The following FGF12 variants were observed in gnomAD, a reference collection of about 807,000 sequenced individuals.
FGF12 encodes fibroblast growth factor 12.
In FGF12, 14 loss-of-function variants were observed where a neutral mutation model predicts 23.6. The ratio of observed to expected loss-of-function variants is 0.59; its 90% CI spans 0.39 to 0.93. The LOEUF (loss-of-function observed/expected upper bound fraction) is 0.93. Ranked by LOEUF, FGF12 falls within the 40% of genes least tolerant of loss-of-function variation. FGF12 has a pLI of 0.00. For missense variants in FGF12, 175 were observed against 217.8 expected (o/e 0.80, Z 1.24); for synonymous variants, 62 against 77.3 (o/e 0.80, Z 1.04).
Position 192,409,345 on chromosome 3 carries a change from C to G in FGF12, c.14-48807G>C, listed in dbSNP as rs1469890513. ...ACACGCCTTTAACTGGAGCTCCCCGCCATGGTCCACCCGGGGCCGCCGCAC... is the reference window on the plus strand; with the variant it reads ...ACACGCCTTTAACTGGAGCTCCCCGGCATGGTCCACCCGGGGCCGCCGCAC... On this transcript the variant is annotated intron_variant, in intron 2 of 5. Transcript: ENST00000445105. The surrounding 1 kb of genome is among the most constrained non-coding windows in gnomAD (Gnocchi z 4.8). 1.3e-5 allele frequency among the ~76,000 whole-genome samples: 2 copies of G among 152,206 alleles called. No individual in the cohort carries two copies. The highest frequency in any genetic ancestry group is 2.9e-5 in the Non-Finnish European group (2 of 68,032).
chr3:192,435,441 C>G (rs993900126), intron 2 of FGF12, among the ~76,000 whole-genome samples: 2 of 152,194 alleles, frequency 1.3e-5, no homozygotes, highest in African/African-American at 4.8e-5. Context: ...ACTCCCAGGA[C>G]TGCTCACTGT....
intron 4 of FGF12, among the ~76,000 whole-genome samples, chr3:192,201,037 C>T (rs1717342090): frequency 6.6e-6 from 1 of 152,156 alleles, no homozygotes; most frequent in East Asian, 1.9e-4. Context: ...CTTCAGATGT[C>T]TCCAGATAAT....
At chr3:192,702,946 G>C (rs1718348727) in intron 2 of FGF12, among the ~76,000 whole-genome samples, 1 of 152,068 alleles carries the variant, frequency 6.6e-6, no homozygotes, top group Non-Finnish European at 1.5e-5. Flanking sequence ...CATTGCTCAG[G>C]CTTTGAGAGT....
At chr3:192,668,647 G>A (rs748577398) in intron 2 of FGF12, among the ~76,000 whole-genome samples, 1 of 152,196 alleles carries the variant, frequency 6.6e-6, no homozygotes, top group African/African-American at 2.4e-5. Context: ...CTCATCCTGA[G>A]ATGCTATCAT....
chr3:192,496,383 A>T (rs1040466474), intron 2 of FGF12, among the ~76,000 whole-genome samples: 3 of 152,076 alleles, frequency 2.0e-5, no homozygotes, highest in African/African-American at 7.2e-5. Context: ...TGTGACTCTG[A>T]TATACTGGTC....
chr3:192,165,178 C>T (rs1429536055), intron 5 of FGF12, among the ~76,000 whole-genome samples: 1 of 152,042 alleles, frequency 6.6e-6, no homozygotes, highest in Admixed American at 6.6e-5. Context: ...TGGTCTTGAA[C>T]TCCTGGCCTC....
At chr3:192,273,475 G>C (rs5027291) in intron 4 of FGF12, among the ~76,000 whole-genome samples, 2 of 152,190 alleles carry the variant, frequency 1.3e-5, no homozygotes, top group Non-Finnish European at 2.9e-5. Flanking sequence ...CTGCATGCTA[G>C]GCAATATTTA....
intron 2 of FGF12, among the ~76,000 whole-genome samples, chr3:192,662,630 C>T (rs1716714940): frequency 6.6e-6 from 1 of 152,124 alleles, no homozygotes; most frequent in Non-Finnish European, 1.5e-5. Context: ...TTTACAGATT[C>T]AGTGCCTCAA....
At chr3:192,378,070 CT>C (rs746816771) in intron 2 of FGF12, among the ~76,000 whole-genome samples, 15 of 119,242 alleles carry the variant, frequency 1.3e-4, no homozygotes, top group East Asian at 1.2e-3. Context: ...TTCTTTCTTT[CT>C]TTCTTTCTTT....
intron 2 of FGF12, among the ~76,000 whole-genome samples, chr3:192,470,609 G>A (rs143040943): frequency 0.012 from 1,752 of 151,920 alleles, 21 homozygotes; most frequent in Non-Finnish European, 0.018. Flanking sequence ...GGCTGGTCTC[G>A]AACTCCTGAC....
intron 4 of FGF12, among the ~76,000 whole-genome samples, chr3:192,178,451 AAG>A (rs1347432503): frequency 6.6e-6 from 1 of 152,140 alleles, no homozygotes; most frequent in Non-Finnish European, 1.5e-5. Flanking sequence ...CCAGATAAAA[AAG>A]GGCCTCTGAT....
chr3:192,240,855 T>C (rs1719582108), intron 4 of FGF12, among the ~76,000 whole-genome samples: 1 of 152,200 alleles, frequency 6.6e-6, no homozygotes, highest in South Asian at 2.1e-4. Context: ...TATTTTTTCT[T>C]AAGTTGTATC....
intron 2 of FGF12, among the ~76,000 whole-genome samples, chr3:192,577,081 G>C (rs995443577): frequency 2.6e-5 from 4 of 152,158 alleles, no homozygotes; most frequent in Admixed American, 2.6e-4. Flanking sequence ...GGGAGGGATA[G>C]CATTAGGAGA....
At chr3:192,549,092 C>T (rs537954759) in intron 2 of FGF12, among the ~76,000 whole-genome samples, 1 of 152,258 alleles carries the variant, frequency 6.6e-6, no homozygotes, top group Admixed American at 6.5e-5. Flanking sequence ...ATTACACTAA[C>T]TGTTGCTCAG....
chr3:192,234,261 CT>C (rs1195017479), intron 4 of FGF12, among the ~76,000 whole-genome samples: 2 of 152,122 alleles, frequency 1.3e-5, no homozygotes, highest in Non-Finnish European at 2.9e-5. Flanking sequence ...TCATAGAGTA[CT>C]TTCCCCTCCC....
At chr3:192,383,720 CT>C (rs1235080154) in intron 2 of FGF12, among the ~76,000 whole-genome samples, 1 of 151,866 alleles carries the variant, frequency 6.6e-6, no homozygotes, top group African/African-American at 2.4e-5. Context: ...TGGGTACATG[CT>C]TGTTTAAACA....
chr3:192,603,585 C>CT (rs1714209474), intron 2 of FGF12, among the ~76,000 whole-genome samples: 1 of 151,972 alleles, frequency 6.6e-6, no homozygotes, highest in Admixed American at 6.6e-5. Flanking sequence ...GCTGGGGGTG[C>CT]TGGGGGTGAC....
chr3:192,342,839 C>T (rs1467224714), intron 3 of FGF12, among the ~76,000 whole-genome samples: 1 of 152,064 alleles, frequency 6.6e-6, no homozygotes, highest in East Asian at 1.9e-4. Flanking sequence ...AAAAAATGTA[C>T]TTTCTAAAAG....
intron 2 of FGF12, among the ~76,000 whole-genome samples, chr3:192,553,446 T>C (rs1711616083): frequency 6.6e-6 from 1 of 151,990 alleles, no homozygotes; most frequent in Admixed American, 6.6e-5. Context: ...CATATTTTAA[T>C]CCCCATACAA....
Sources: allele counts gnomAD v4.1 joint callset (sites outside exome capture counted in the v4.1 genomes callset), GRCh38; gene constraint gnomAD v4.1.1; non-coding constraint Gnocchi (gnomAD v3.1); transcripts MANE v1.5; gene names NCBI Gene and HGNC (gene_info 2026-07-23, HGNC 2026-07-21).